Variants in KANK1 observed in about 807,000 individuals in gnomAD.
KANK1 encodes KN motif and ankyrin repeat domains 1, also known as KN motif and ankyrin repeat domain-containing protein 1.
Under a neutral mutation model 106.2 loss-of-function variants are expected in KANK1, and 109 were observed. The observed-to-expected ratio is 1.03, with a 90% CI of 0.88 to 1.20. KANK1 has a LOEUF of 1.20. KANK1 is among the 50% of genes most tolerant of loss of function. The pLI is 0.00. For missense variants in KANK1, 2,399 were observed against 1,710.7 expected (o/e 1.40, Z -7.10); for synonymous variants, 873 against 652.2 (o/e 1.34, Z -5.16).
chr9:661,115 T>C lies in KANK1; in HGVS notation c.-83-15775T>C, dbSNP rs552944682. 5.3e-5 allele frequency among the ~76,000 whole-genome samples: 8 copies of C among 152,252 alleles called. No individual in the cohort carries two copies. In the South Asian group the frequency reaches 1.5e-3, roughly 28 times the overall value. On this transcript the variant is annotated intron_variant, in intron 1 of 11. Coordinates refer to ENST00000382297, the MANE Select transcript of KANK1 (RefSeq NM_015158.5). Reference sequence around the variant, plus strand: ...TTTTTCCCCTCCAGTTTTAATGTTATGTGTAATGTATTTAAACCCCTTTTT... The same window carrying C: ...TTTTTCCCCTCCAGTTTTAATGTTACGTGTAATGTATTTAAACCCCTTTTT...
In KANK1 at chr9:687,819, C is replaced by T. The variant is rs1462418839; in HGVS notation, c.37+10810C>T. Among the ~76,000 whole-genome samples the T allele has an allele frequency of 2.6e-5, 4 of 151,998 alleles. No homozygotes were observed. The South Asian group carries it at 6.2e-4, about 24-fold the overall frequency. ...ATTATTATTTCTATTAAATAATTGC[C>T]ATCAGTTGCTTTTAATTAAGAGTTA... On this transcript the variant is annotated intron_variant, in intron 2 of 11. Transcript: ENST00000382297.
chr9:727,435 C>A (rs192898584), intron 3 of KANK1, among the ~76,000 whole-genome samples: 1 of 151,630 alleles, frequency 6.6e-6, no homozygotes, highest in East Asian at 1.9e-4. Flanking sequence ...CCTACCTCAG[C>A]CTCCCGAGCA....
chr9:726,051 T>C (rs564468069), intron 3 of KANK1, among the ~76,000 whole-genome samples: 4 of 152,356 alleles, frequency 2.6e-5, no homozygotes, highest in African/African-American at 7.2e-5. Context: ...CTGTATATCC[T>C]TCCATGATTT....
intron 1 of KANK1, chr9:660,355 G>A (rs906896415): frequency 1.5e-4 from 28 of 188,734 alleles, no homozygotes; most frequent in Admixed American, 2.6e-4. Flanking sequence ...GCTTGAATGA[G>A]GTTTTCCTTG....
intron 9 of KANK1, among the ~76,000 whole-genome samples, chr9:741,951 C>G (rs564688211): frequency 1.9e-4 from 29 of 152,278 alleles, no homozygotes; most frequent in Non-Finnish European, 3.1e-4. Context: ...ACCTGAACTT[C>G]CAGCCCCTTA....
intron 1 of KANK1, among the ~76,000 whole-genome samples, chr9:624,997 A>G (rs1034543993): frequency 2.0e-5 from 3 of 150,814 alleles, no homozygotes; most frequent in Admixed American, 2.0e-4. Context: ...TTAATTTCTA[A>G]ATTATGAAAT....
At chr9:640,003 G>T (rs1425926880) in intron 1 of KANK1, among the ~76,000 whole-genome samples, 2 of 152,082 alleles carry the variant, frequency 1.3e-5, no homozygotes, top group African/African-American at 4.8e-5. Context: ...TTGAAGGTTG[G>T]GTTTCAAAAT....
intron 1 of KANK1, among the ~76,000 whole-genome samples, chr9:611,715 G>A (rs1410382403): frequency 1.3e-5 from 2 of 151,984 alleles, no homozygotes; most frequent in East Asian, 3.9e-4. Context: ...TCATCACCTT[G>A]ACCATCTAAC....
At chr9:579,889 G>C (rs1360634642) in intron 1 of KANK1, among the ~76,000 whole-genome samples, 1 of 152,130 alleles carries the variant, frequency 6.6e-6, no homozygotes, top group Non-Finnish European at 1.5e-5. Flanking sequence ...ATCAGTCCTG[G>C]ATTGTGCTGA....
chr9:528,646 C>G (rs906356173), intron 1 of KANK1, among the ~76,000 whole-genome samples: 3 of 151,732 alleles, frequency 2.0e-5, no homozygotes. Flanking sequence ...CGCCACCATG[C>G]CCAGCTAATT....
At chr9:579,568 A>G (rs1279978908) in intron 1 of KANK1, among the ~76,000 whole-genome samples, 1 of 152,018 alleles carries the variant, frequency 6.6e-6, no homozygotes, top group African/African-American at 2.4e-5. Flanking sequence ...CCTCAGCCCC[A>G]ATTTTAAAAC....
At chr9:732,169 G>C (rs1428808244) in intron 5 of KANK1, 6 of 519,986 alleles carry the variant, frequency 1.2e-5, no homozygotes, top group Non-Finnish European at 1.7e-5. Flanking sequence ...GATACCAATT[G>C]GTTATATGAT....
intron 2 of KANK1, chr9:693,713 T>C (rs990189246): frequency 1.0e-6 from 1 of 985,394 alleles, no homozygotes; most frequent in Non-Finnish European, 1.2e-6. Context: ...GGAGTCCCTT[T>C]AATGCTGAGG....
intron 1 of KANK1, among the ~76,000 whole-genome samples, chr9:528,509 T>G (rs2059911116): frequency 7.8e-6 from 1 of 128,774 alleles, no homozygotes; most frequent in African/African-American, 2.9e-5. Context: ...TGAGACGGAG[T>G]CTCACTCTGT....
intron 1 of KANK1, among the ~76,000 whole-genome samples, chr9:647,509 C>T (rs1389278286): frequency 6.6e-6 from 1 of 150,918 alleles, no homozygotes; most frequent in East Asian, 1.9e-4. Context: ...GAAACAAGTG[C>T]AGTTTTCTAG....
In KANK1 at chr9:738,411, GTCA is replaced by G. The variant is rs1834379051; in HGVS notation, c.3464_3466del (p.Ile1155del). On this transcript the variant is annotated inframe_deletion, in exon 8 of 12. Transcript: ENST00000382297. ...CATTTCCCCAGATGTCCTCCGCTAT[GTCA>G]TCAACTTGGCAGACGGCAACGGCAA... 1.9e-6 allele frequency: 3 copies of G among 1,614,142 alleles called. No homozygotes were observed. In the East Asian group the frequency reaches 6.7e-5, roughly 36 times the overall value.
chr9:570,306 C>T (rs73639371), intron 1 of KANK1, among the ~76,000 whole-genome samples: 7 of 152,206 alleles, frequency 4.6e-5, no homozygotes, highest in East Asian at 3.9e-4. Flanking sequence ...TAGTAAGCCC[C>T]GAATAGAAAG....
intron 2 of KANK1, among the ~76,000 whole-genome samples, chr9:702,122 C>T (rs992349987): frequency 1.3e-5 from 2 of 152,074 alleles, no homozygotes; most frequent in Admixed American, 6.5e-5. Context: ...TAATCGATGC[C>T]GTTGCATTGG....
chr9:722,474 T>G (rs1013925471), intron 3 of KANK1, among the ~76,000 whole-genome samples: 5 of 152,162 alleles, frequency 3.3e-5, no homozygotes, highest in African/African-American at 1.2e-4. Flanking sequence ...GAATTTTGTT[T>G]GTTGGCCTCT....
Sources: gnomAD v4.1 joint callset for allele counts (sites outside exome capture counted in the v4.1 genomes callset) on GRCh38, gnomAD v4.1.1 for gene constraint, MANE v1.5 for transcripts, NCBI Gene and HGNC (gene_info 2026-07-23, HGNC 2026-07-21) for gene names.